Variants in ELAPOR2 observed in about 807,000 individuals in gnomAD.
ELAPOR2 encodes endosome/lysosome-associated apoptosis and autophagy regulator family member 2.
A neutral mutation model predicts 120.7 loss-of-function variants in ELAPOR2; 89 were observed. The ratio of observed to expected loss-of-function variants is 0.74; its 90% CI spans 0.62 to 0.88. ELAPOR2 has a LOEUF of 0.88. ELAPOR2 is among the 40% of genes least tolerant of loss of function. The pLI is 0.00. For synonymous variants in ELAPOR2, 444 were observed against 444.9 expected (o/e 1.00, Z 0.03); for missense variants, 1,134 against 1,251.6 (o/e 0.91, Z 1.42).
chr7:86,880,392 G>A lies in ELAPOR2; in HGVS notation c.*79C>T. 4 of 1,031,668 alleles carry A rather than the reference G, an allele frequency of 3.9e-6. No homozygotes were observed. The South Asian group carries it at 3.9e-5, about 10-fold the overall frequency. The allele number at this position is 1,031,668 out of a possible 1,614,324, so 63.9% of individuals were successfully genotyped here. On this transcript the variant is annotated 3_prime_UTR_variant, in exon 22 of 22. Coordinates refer to ENST00000450689, the MANE Select transcript of ELAPOR2 (RefSeq NM_001142749.3). ...AGATCACCAATGTGACAGGTATGAG[G>A]ACAGACCCTAAAATATGGTCCTGTA...
chr7:87,051,492 T>C (rs1488798296), intron 1 of ELAPOR2, among the ~76,000 whole-genome samples: 1 of 152,230 alleles, frequency 6.6e-6, no homozygotes, highest in African/African-American at 2.4e-5. Context: ...TAACTGATAT[T>C]GGCGACTGCA....
At chr7:87,029,206 G>A (rs931493995) in intron 1 of ELAPOR2, among the ~76,000 whole-genome samples, 9 of 152,012 alleles carry the variant, frequency 5.9e-5, no homozygotes, top group Admixed American at 2.6e-4. Context: ...ATGTGTTCCC[G>A]GTAACTAGGC....
chr7:86,985,059 G>C (rs1368472382), intron 1 of ELAPOR2, among the ~76,000 whole-genome samples: 1 of 151,852 alleles, frequency 6.6e-6, no homozygotes, highest in African/African-American at 2.4e-5. Context: ...ATAAACACCT[G>C]TACACAAAAA....
chr7:87,045,546 G>A (rs1386220419), intron 1 of ELAPOR2, among the ~76,000 whole-genome samples: 1 of 150,094 alleles, frequency 6.7e-6, no homozygotes, highest in African/African-American at 2.5e-5. Flanking sequence ...CTCATAGGTG[G>A]GAATTGAACA....
intron 10 of ELAPOR2, among the ~76,000 whole-genome samples, chr7:86,920,052 CA>C (rs1274914059): frequency 6.6e-6 from 1 of 152,090 alleles, no homozygotes; most frequent in African/African-American, 2.4e-5. Flanking sequence ...TTGGCATTTC[CA>C]TCTCTAAAAG....
intron 3 of ELAPOR2, 47 bp downstream of exon 3, chr7:86,947,680 C>A: frequency 6.8e-7 from 1 of 1,465,730 alleles, no homozygotes; most frequent in Non-Finnish European, 9.3e-7. Flanking sequence ...CAACTACTTT[C>A]TTCTCAAATA....
chr7:86,987,287 A>G (rs535647603), intron 1 of ELAPOR2, among the ~76,000 whole-genome samples: 2 of 152,150 alleles, frequency 1.3e-5, no homozygotes, highest in Non-Finnish European at 2.9e-5. Context: ...TAGGCATGGG[A>G]AAGGACTTCA....
intron 1 of ELAPOR2, among the ~76,000 whole-genome samples, chr7:87,029,126 T>C (rs1794345292): frequency 6.6e-6 from 1 of 152,214 alleles, no homozygotes; most frequent in South Asian, 2.1e-4. Context: ...CTCATGTATT[T>C]GTATAATGTC....
intron 1 of ELAPOR2, among the ~76,000 whole-genome samples, chr7:87,053,509 G>A (rs1055667399): frequency 6.6e-6 from 1 of 152,140 alleles, no homozygotes; most frequent in Non-Finnish European, 1.5e-5. Flanking sequence ...ATGCAGACCT[G>A]TGCCAGGACA....
chr7:86,984,095 G>A (rs1052635496), intron 1 of ELAPOR2, among the ~76,000 whole-genome samples: 4 of 151,074 alleles, frequency 2.6e-5, no homozygotes, highest in African/African-American at 7.3e-5. Context: ...AGAGAGGAAG[G>A]CCACTACATA....
In ELAPOR2 at chr7:86,917,086, C is replaced by T. The variant is rs138070610; in HGVS notation, c.1593+1356G>A. Among the ~76,000 whole-genome samples, 470 of 144,104 alleles carry T rather than the reference C, an allele frequency of 3.3e-3. 3 individuals are homozygous for T. The highest frequency in any genetic ancestry group is 0.011 in the African/African-American group (427 of 38,626). 94.5% of individuals were successfully genotyped at this position (144,104 alleles called of 152,430 possible). A position where few individuals can be genotyped will look rare whatever the true frequency, so the allele number is the denominator to read the frequency against. Reference sequence around the variant, plus strand: ...TTCCCAAAGTGCTGGGATTACAGAACTGAGCCATCACGCCAGCCTCTACTG... The same window carrying T: ...TTCCCAAAGTGCTGGGATTACAGAATTGAGCCATCACGCCAGCCTCTACTG... On this transcript the variant is annotated intron_variant, in intron 12 of 21. Coordinates refer to ENST00000450689, the MANE Select transcript of ELAPOR2 (RefSeq NM_001142749.3).
chr7:87,034,376 T>C (rs1794515352), intron 1 of ELAPOR2, among the ~76,000 whole-genome samples: 3 of 152,122 alleles, frequency 2.0e-5, no homozygotes, highest in African/African-American at 7.2e-5. Flanking sequence ...AATACTAAGA[T>C]GTTAAAAGTG....
At chr7:87,033,100 AATAG>A (rs2116739089) in intron 1 of ELAPOR2, among the ~76,000 whole-genome samples, 1 of 152,324 alleles carries the variant, frequency 6.6e-6, no homozygotes, top group East Asian at 1.9e-4. Context: ...CTGTAAGCAT[AATAG>A]ATCAGTTCTG....
At chr7:86,997,813 G>A (rs953846744) in intron 1 of ELAPOR2, among the ~76,000 whole-genome samples, 1 of 152,134 alleles carries the variant, frequency 6.6e-6, no homozygotes, top group Non-Finnish European at 1.5e-5. Flanking sequence ...TGTTCTTCTA[G>A]TCAGTTGTAT....
intron 1 of ELAPOR2, among the ~76,000 whole-genome samples, chr7:86,977,399 G>A (rs1039591188): frequency 1.9e-4 from 29 of 152,110 alleles, no homozygotes; most frequent in Non-Finnish European, 3.7e-4. Flanking sequence ...AATAAAAGCT[G>A]ATGCCTCATT....
At chr7:86,884,875 A>C (rs556031844) in intron 21 of ELAPOR2, among the ~76,000 whole-genome samples, 2 of 152,154 alleles carry the variant, frequency 1.3e-5, no homozygotes, top group Admixed American at 1.3e-4. Context: ...CTATCATGCA[A>C]ATTTTAGATA....
chr7:86,913,966 G>A (rs1236104292), intron 13 of ELAPOR2, among the ~76,000 whole-genome samples: 1 of 152,172 alleles, frequency 6.6e-6, no homozygotes, highest in Non-Finnish European at 1.5e-5. Context: ...CGCCCCACAG[G>A]ATGGTTATCT....
chr7:86,964,931 G>A lies in ELAPOR2; in HGVS notation c.283C>T (p.Pro95Ser), dbSNP rs1270675295. The A allele has an allele frequency of 1.9e-6, 3 of 1,551,432 alleles. No homozygotes were observed. Among genetic ancestry groups the A allele is most frequent in the South Asian group, 1.2e-5 (1 of 84,036 alleles). The change falls in exon 2 of 22, where the codon CCT becomes TCT. Residue 95 changes from proline to serine, a missense_variant. Transcript: ENST00000450689. Reference sequence around the variant, plus strand: ...CATTCTTTGCCTCTCACTGGGTCAGGCAGGCCAGAGCAGTCCACTGCAGAA... The same window carrying A: ...CATTCTTTGCCTCTCACTGGGTCAGACAGGCCAGAGCAGTCCACTGCAGAA... ...PNSAVDCSGLPDPVRGKECTF... is the reference protein window; with the variant it reads ...PNSAVDCSGLSDPVRGKECTF...
At position 86,891,723 on chromosome 7, in the gene ELAPOR2, C is replaced by T; in HGVS notation, c.3030+1G>A. On this transcript the variant is annotated splice_donor_variant, in intron 21 of 21. Coordinates refer to ENST00000450689, the MANE Select transcript of ELAPOR2 (RefSeq NM_001142749.3). LOFTEE classifies it high-confidence loss of function. ...ACACCAGGTTAAAATTCTACTCTCA[C>T]CTTGGTTGCCAAAGATTTGAGTTTT... The T allele has an allele frequency of 1.9e-6, 3 of 1,605,690 alleles. No individual in the cohort carries two copies. Among genetic ancestry groups the T allele is most frequent in the Non-Finnish European group, 2.6e-6 (3 of 1,176,018 alleles).
Sources: allele counts gnomAD v4.1 joint callset (sites outside exome capture counted in the v4.1 genomes callset), GRCh38; gene constraint gnomAD v4.1.1; transcripts MANE v1.5; gene names NCBI Gene and HGNC (gene_info 2026-07-23, HGNC 2026-07-21).